TMEM150C: variants seen among roughly 807,000 people sequenced by gnomAD.
The protein encoded by TMEM150C is tentonin 3.
A neutral mutation model predicts 29.9 loss-of-function variants in TMEM150C; 10 were observed. That is an observed-to-expected ratio of 0.33 (90% CI 0.21 to 0.57). The LOEUF is 0.57. Ranked by LOEUF, TMEM150C falls within the 20% of genes least tolerant of loss-of-function variation. The pLI, the probability that TMEM150C is intolerant of heterozygous loss-of-function variation, is 0.88. For missense variants in TMEM150C, 251 were observed against 303.6 expected (o/e 0.83, Z 1.29); for synonymous variants, 101 against 112.5 (o/e 0.90, Z 0.64).
At chr4:82,545,317 G>A (rs1289923260) in intron 1 of TMEM150C, among the ~76,000 whole-genome samples, 1 of 152,182 alleles carries the variant, frequency 6.6e-6, no homozygotes, top group Non-Finnish European at 1.5e-5. Flanking sequence ...CTCAATAGAT[G>A]TGGTAAAAGC....
At chr4:82,499,522 G>A (rs1285906883) in intron 5 of TMEM150C, among the ~76,000 whole-genome samples, 1 of 151,928 alleles carries the variant, frequency 6.6e-6, no homozygotes, top group Non-Finnish European at 1.5e-5. Context: ...AAGAGTTCGT[G>A]ACCAGCCTGA....
At chr4:82,542,017 C>T (rs1725217354) in intron 1 of TMEM150C, among the ~76,000 whole-genome samples, 1 of 152,104 alleles carries the variant, frequency 6.6e-6, no homozygotes, top group South Asian at 2.1e-4. Flanking sequence ...TATTTTTTTA[C>T]TTACACGTAC....
chr4:82,521,435 C>T (rs1724481154), intron 1 of TMEM150C, among the ~76,000 whole-genome samples: 2 of 152,152 alleles, frequency 1.3e-5, no homozygotes, highest in South Asian at 4.1e-4. Context: ...AAGCAGAAGC[C>T]TTGGCTAAGG....
chr4:82,494,152 G>T (rs1723461879), intron 6 of TMEM150C, among the ~76,000 whole-genome samples: 1 of 152,230 alleles, frequency 6.6e-6, no homozygotes. Context: ...ACAGGGGGAA[G>T]AGTGTCAGGA....
At chr4:82,490,002 A>G in intron 7 of TMEM150C, 59 bp downstream of exon 7, 1 of 1,532,336 alleles carries the variant, frequency 6.5e-7, no homozygotes, top group South Asian at 1.2e-5. Context: ...TCTTCTACAG[A>G]GACAACTTAC....
At chr4:82,502,689 T>C in intron 5 of TMEM150C, 38 bp downstream of exon 5, 1 of 1,569,600 alleles carries the variant, frequency 6.4e-7, no homozygotes, top group Non-Finnish European at 8.7e-7. Context: ...AAAAGAAATG[T>C]ACCAAAGCAC....
At chr4:82,515,942 G>A (rs1356892215) in intron 1 of TMEM150C, among the ~76,000 whole-genome samples, 1 of 151,940 alleles carries the variant, frequency 6.6e-6, no homozygotes, top group African/African-American at 2.4e-5. Flanking sequence ...CCCTCTTTCT[G>A]GCCCATAGTC....
At chr4:82,500,583 G>A (rs4693032) in intron 5 of TMEM150C, among the ~76,000 whole-genome samples, 23,821 of 152,172 alleles carry the variant, frequency 0.16, 3,830 homozygotes, top group African/African-American at 0.39. Flanking sequence ...GCTTCTTGGT[G>A]GAGCAGGAAG....
intron 6 of TMEM150C, chr4:82,495,830 G>A (rs890338402): frequency 1.6e-5 from 8 of 510,496 alleles, no homozygotes; most frequent in Admixed American, 5.8e-5. Context: ...CGAAGTTTGC[G>A]TTCATCTTCC....
intron 1 of TMEM150C, among the ~76,000 whole-genome samples, chr4:82,533,774 G>A (rs1264252403): frequency 1.3e-5 from 2 of 152,150 alleles, no homozygotes; most frequent in Non-Finnish European, 2.9e-5. Context: ...GGAAGACCAA[G>A]TTCAAAGCAT....
intron 1 of TMEM150C, among the ~76,000 whole-genome samples, chr4:82,549,099 A>G (rs1725478104): frequency 6.6e-6 from 1 of 152,148 alleles, no homozygotes; most frequent in Admixed American, 6.5e-5. Flanking sequence ...TCCCCAATTC[A>G]GAGATAACCA....
intron 1 of TMEM150C, among the ~76,000 whole-genome samples, chr4:82,533,550 A>T (rs1185792945): frequency 6.6e-6 from 1 of 152,228 alleles, no homozygotes; most frequent in African/African-American, 2.4e-5. Context: ...TTTATGTCTT[A>T]AACAGACAAA....
At chr4:82,548,163 A>G (rs1725447717) in intron 1 of TMEM150C, among the ~76,000 whole-genome samples, 1 of 152,210 alleles carries the variant, frequency 6.6e-6, no homozygotes, top group Non-Finnish European at 1.5e-5. Flanking sequence ...ACTCATGGAC[A>G]TAAAGATGAG....
intron 1 of TMEM150C, among the ~76,000 whole-genome samples, chr4:82,507,721 CTCTCTCTTTTTTTT>C (rs1723973776): frequency 5.0e-5 from 3 of 59,984 alleles, no homozygotes; most frequent in East Asian, 5.2e-4. Context: ...CTCTCTCTCT[CTCTCTCTTTTTTTT>C]TTTTTTTTTT....
At chr4:82,532,878 A>G (rs1373485391) in intron 1 of TMEM150C, among the ~76,000 whole-genome samples, 1 of 151,850 alleles carries the variant, frequency 6.6e-6, no homozygotes, top group Non-Finnish European at 1.5e-5. Context: ...ACAGGTGCCT[A>G]CCACCACGCC....
chr4:82,555,190 AAAC>A (rs1335888185), intron 1 of TMEM150C, among the ~76,000 whole-genome samples: 1 of 152,236 alleles, frequency 6.6e-6, no homozygotes, highest in Admixed American at 6.5e-5. Context: ...GAAATTCTTA[AAAC>A]AACATTGTTT....
At chr4:82,535,560 C>T (rs954312968) in intron 1 of TMEM150C, among the ~76,000 whole-genome samples, 5 of 152,112 alleles carry the variant, frequency 3.3e-5, no homozygotes, top group African/African-American at 9.7e-5. Flanking sequence ...CAAGGAGAAA[C>T]CATGCAATTC....
chr4:82,486,292 G>A (rs1245581991), intron 7 of TMEM150C, among the ~76,000 whole-genome samples: 12 of 140,100 alleles, frequency 8.6e-5, no homozygotes, highest in Admixed American at 7.4e-4. Flanking sequence ...AGCCAAGACC[G>A]GCCACTGCAC....
intron 1 of TMEM150C, among the ~76,000 whole-genome samples, chr4:82,511,635 C>G (rs1211866270): frequency 6.6e-6 from 1 of 152,110 alleles, no homozygotes; most frequent in East Asian, 1.9e-4. Context: ...GCCACTATGC[C>G]CAGCTAATTT....
Sources: allele counts gnomAD v4.1 joint callset (sites outside exome capture counted in the v4.1 genomes callset), GRCh38; gene constraint gnomAD v4.1.1; transcripts MANE v1.5; gene names NCBI Gene and HGNC (gene_info 2026-07-23, HGNC 2026-07-21).